PCBP3: variants seen among roughly 807,000 people sequenced by gnomAD.
PCBP3 encodes poly(rC)-binding protein 3.
A neutral mutation model predicts 52.7 loss-of-function variants in PCBP3; 25 were observed. The observed-to-expected ratio is 0.47, with a 90% CI of 0.35 to 0.66. The LOEUF (loss-of-function observed/expected upper bound fraction) is 0.66. Ranked by LOEUF, PCBP3 falls within the 30% of genes least tolerant of loss-of-function variation. The pLI is 0.01. For synonymous variants in PCBP3, 162 were observed against 183.0 expected, an observed-to-expected ratio of 0.89 and a Z score of 0.93; for missense variants, 391 against 490.3, an observed-to-expected ratio of 0.80 and a Z score of 1.91.
At chr21:45,809,574 G>A (rs941347215) in intron 4 of PCBP3, among the ~76,000 whole-genome samples, 2 of 152,212 alleles carry the variant, frequency 1.3e-5, no homozygotes, top group African/African-American at 4.8e-5. Flanking sequence ...CTGGATCCAC[G>A]TGGAGGAGCT....
At chr21:45,899,185 G>A (rs888759935) in intron 6 of PCBP3, among the ~76,000 whole-genome samples, 3 of 152,222 alleles carry the variant, frequency 2.0e-5, no homozygotes, top group Admixed American at 6.5e-5. Context: ...TAGGAGTCAC[G>A]GAGCAATTGC....
intron 2 of PCBP3, among the ~76,000 whole-genome samples, chr21:45,692,378 T>G (rs1327547345): frequency 6.6e-6 from 1 of 150,998 alleles, no homozygotes; most frequent in African/African-American, 2.4e-5. Context: ...TATGAGCTCA[T>G]AGCTAGAATG....
chr21:45,734,311 TC>T lies in PCBP3; in HGVS notation c.-199-1076del, dbSNP rs1569162739. Among the ~76,000 whole-genome samples, 3 of 152,222 alleles carry T rather than the reference TC, an allele frequency of 2.0e-5. No individual in the cohort carries two copies. In the South Asian group the frequency reaches 6.2e-4, roughly 32 times the overall value. Reference sequence around the variant, plus strand: ...TGTACTTTTTCTTTTCATTGGTTCTTCCCCCGACCTCCTGTAGTCCACTCAC... The same window carrying T: ...TGTACTTTTTCTTTTCATTGGTTCTTCCCCGACCTCCTGTAGTCCACTCAC... On this transcript the variant is annotated intron_variant, in intron 2 of 17. Coordinates refer to ENST00000681687, the MANE Select transcript of PCBP3 (RefSeq NM_001384156.1).
At chr21:45,763,609 T>A (rs932478242) in intron 4 of PCBP3, 2 of 152,262 alleles carry the variant, frequency 1.3e-5, no homozygotes, top group Non-Finnish European at 2.9e-5. Flanking sequence ...CCAGATGAGA[T>A]GCGGCCGTGG....
intron 5 of PCBP3, among the ~76,000 whole-genome samples, chr21:45,879,265 G>A (rs1451241963): frequency 3.9e-5 from 6 of 152,164 alleles, no homozygotes; most frequent in Non-Finnish European, 5.9e-5. Flanking sequence ...GTTTACAAGC[G>A]TTAGCCACTG....
intron 1 of PCBP3, among the ~76,000 whole-genome samples, chr21:45,662,098 TTGA>T (rs1298282905): frequency 6.6e-6 from 1 of 152,006 alleles, no homozygotes; most frequent in Non-Finnish European, 1.5e-5. Context: ...CTTCACTCTG[TTGA>T]TGATTATTTT....
chr21:45,755,145 C>T (rs1361728728), intron 3 of PCBP3, among the ~76,000 whole-genome samples: 1 of 152,162 alleles, frequency 6.6e-6, no homozygotes, highest in Admixed American at 6.5e-5. Context: ...CCCTGACAAT[C>T]GCTGATCTGT....
At chr21:45,914,610 G>A (rs1333998431) in intron 12 of PCBP3, 1 of 154,026 alleles carries the variant, frequency 6.5e-6, no homozygotes, top group Admixed American at 6.5e-5. Context: ...TTTGGTTTCA[G>A]CCCTTGAGCT....
At chr21:45,743,834 A>T (rs1409337005) in intron 3 of PCBP3, among the ~76,000 whole-genome samples, 1 of 152,006 alleles carries the variant, frequency 6.6e-6, no homozygotes, top group African/African-American at 2.4e-5. Context: ...TGATTTGAGA[A>T]TTGTCCCATG....
chr21:45,648,896 C>T (rs555799308), intron 1 of PCBP3, among the ~76,000 whole-genome samples: 11 of 152,112 alleles, frequency 7.2e-5, no homozygotes, highest in Admixed American at 2.0e-4. Context: ...GTATCCTGTT[C>T]TTTATCCTTT....
At chr21:45,676,331 A>G (rs1490126680) in intron 2 of PCBP3, among the ~76,000 whole-genome samples, 1 of 152,086 alleles carries the variant, frequency 6.6e-6, no homozygotes, top group Admixed American at 6.6e-5. Context: ...ACAGCCTTCC[A>G]ATATAGGCAT....
At chr21:45,934,947 G>A (rs1225920857) in intron 15 of PCBP3, among the ~76,000 whole-genome samples, 2 of 152,196 alleles carry the variant, frequency 1.3e-5, no homozygotes, top group African/African-American at 2.4e-5. Flanking sequence ...GCTTTCCAAG[G>A]TGTCACAAGA....
intron 2 of PCBP3, among the ~76,000 whole-genome samples, chr21:45,728,396 A>C (rs956322951): frequency 6.6e-6 from 1 of 152,220 alleles, no homozygotes; most frequent in Non-Finnish European, 1.5e-5. Flanking sequence ...GATAGCTTTA[A>C]AAAACAATAG....
intron 2 of PCBP3, among the ~76,000 whole-genome samples, chr21:45,683,558 C>G (rs971184174): frequency 4.6e-5 from 7 of 152,176 alleles, no homozygotes; most frequent in African/African-American, 1.4e-4. Context: ...ATGGCAGATT[C>G]TCTACAAAGT....
chr21:45,816,554 A>G (rs927342528), intron 4 of PCBP3, among the ~76,000 whole-genome samples: 70 of 131,274 alleles, frequency 5.3e-4, no homozygotes, highest in African/African-American at 2.0e-3. Context: ...ACTGAGACAC[A>G]CACACACACT....
chr21:45,921,127 A>T (rs989437388), intron 13 of PCBP3, among the ~76,000 whole-genome samples: 3 of 133,882 alleles, frequency 2.2e-5, no homozygotes, highest in Non-Finnish European at 5.2e-5. Flanking sequence ...GTTTAGTGAC[A>T]TAGGTAACAA....
At chr21:45,705,284 C>T (rs936036974) in intron 2 of PCBP3, among the ~76,000 whole-genome samples, 1 of 152,200 alleles carries the variant, frequency 6.6e-6, no homozygotes, top group Admixed American at 6.5e-5. Flanking sequence ...ACACCTTCAG[C>T]TTGAGGCCCC....
chr21:45,878,298 C>T (rs2095317139), intron 5 of PCBP3, among the ~76,000 whole-genome samples: 2 of 152,256 alleles, frequency 1.3e-5, no homozygotes, highest in Non-Finnish European at 1.5e-5. Context: ...TGGGGGGGTC[C>T]TCCCGGGGCT....
chr21:45,661,798 A>C (rs914605564), intron 1 of PCBP3, among the ~76,000 whole-genome samples: 1 of 152,182 alleles, frequency 6.6e-6, no homozygotes, highest in East Asian at 1.9e-4. Context: ...ATACTTGCCA[A>C]CATCTGTCAT....
Sources: gnomAD v4.1 joint callset for allele counts (sites outside exome capture counted in the v4.1 genomes callset) on GRCh38, gnomAD v4.1.1 for gene constraint, MANE v1.5 for transcripts, NCBI Gene and HGNC (gene_info 2026-07-23, HGNC 2026-07-21) for gene names.